CHTF18: variants seen among roughly 807,000 people sequenced by gnomAD.
The protein encoded by CHTF18 is chromosome transmission fidelity factor 18, also known as chromosome transmission fidelity protein 18 homolog.
In CHTF18, 151 loss-of-function variants were observed where a neutral mutation model predicts 113.4. The ratio of observed to expected loss-of-function variants is 1.33; its 90% confidence interval spans 1.17 to 1.52. CHTF18 has a LOEUF of 1.52. Among genes scored for constraint, CHTF18 ranks in the 40% most tolerant of loss-of-function variants. The pLI is 0.00. For synonymous variants in CHTF18, 916 were observed against 598.8 expected (o/e 1.53, Z -7.74); for missense variants, 1,982 against 1,381.6 (o/e 1.43, Z -6.89).
rs1471856274 is a variant in CHTF18, at chr16:796,948, C to T, written c.2602-13C>T. On this transcript the variant is annotated splice_polypyrimidine_tract_variant and intron_variant, in intron 19 of 21. Transcript: ENST00000262315. Reference sequence around the variant, plus strand: ...CCTGTGTGGCCAGATCTCACAATGCCTGCTCCCTACAGGTGGATGGGAGCC... The same window carrying T: ...CCTGTGTGGCCAGATCTCACAATGCTTGCTCCCTACAGGTGGATGGGAGCC... 4 of 1,529,412 alleles carry T rather than the reference C, an allele frequency of 2.6e-6. No individual in the cohort carries two copies. The highest frequency in any genetic ancestry group is 2.3e-5 in the East Asian group (1 of 42,634). The allele number at this position is 1,529,412 out of a possible 1,614,324, so 94.7% of individuals were successfully genotyped here. A position where few individuals can be genotyped will look rare whatever the true frequency, so the allele number is the denominator to read the frequency against.
At chr16:789,882 T>TCC in intron 4 of CHTF18, 167 bp downstream of exon 4, 4 of 1,341,494 alleles carry the variant, frequency 3.0e-6, no homozygotes, top group Non-Finnish European at 4.1e-6. Flanking sequence ...GGACACAGCC[T>TCC]CCCCACAGCA....
At chr16:790,006 G>A (rs1250804185) in intron 4 of CHTF18, 171 bp from the exon 5 acceptor site, 2 of 1,535,388 alleles carry the variant, frequency 1.3e-6, no homozygotes, top group South Asian at 1.2e-5. Context: ...TCCCTTTGCA[G>A]CTGACCCATC....
At chr16:793,679 C>T (rs1262215712) in intron 14 of CHTF18, 6 of 585,150 alleles carry the variant, frequency 1.0e-5, no homozygotes, top group Admixed American at 2.3e-5. Context: ...ATGTCTCTGT[C>T]CTGACGTGCC....
At chr16:792,914 C>T in intron 12 of CHTF18, 52 bp from the exon 13 acceptor site, 1 of 1,540,124 alleles carries the variant, frequency 6.5e-7, no homozygotes, top group South Asian at 1.2e-5. Flanking sequence ...CCTGGTAACC[C>T]CTGAAAGGAT....
At chr16:790,493 T>C in intron 6 of CHTF18, 32 bp from the exon 7 acceptor site, 2 of 1,606,048 alleles carry the variant, frequency 1.2e-6, no homozygotes, top group Non-Finnish European at 1.7e-6. Context: ...TCCCTGCGAG[T>C]TGTTTGTGGC....
At position 788,736 on chromosome 16, in the gene CHTF18, C is replaced by G. The variant is rs1459555135; in HGVS notation, c.52C>G (p.Gln18Glu). 1 of 1,603,094 alleles carries G rather than the reference C, an allele frequency of 6.2e-7. No homozygotes were observed. Among genetic ancestry groups the G allele is most frequent in the African/African-American group, 1.3e-5 (1 of 74,380 alleles). ...LCGVEDDFHNQFAAELEVLAE... is the reference protein window; with the variant it reads ...LCGVEDDFHNEFAAELEVLAE... ...CGGCGTCGAGGATGATTTCCACAAC[C>G]AGTTCGCGGCCGAGCTGGAGGTGCT... is the stretch of plus-strand genomic sequence containing the variant. Residue 18 changes from glutamine (Q) to glutamate (E), a missense_variant, in exon 1 of 22, where the codon CAG (glutamine) becomes GAG (glutamate). Physicochemically the swap from Gln to Glu is conservative, Grantham distance 29. Transcript: ENST00000262315.
chr16:792,800 C>A lies in CHTF18; in HGVS notation c.1561C>A (p.Arg521=). The A allele has an allele frequency of 6.5e-7, 1 of 1,541,644 alleles. No homozygotes were observed. The highest frequency in any genetic ancestry group is 8.7e-7 in the Non-Finnish European group (1 of 1,147,706). The change falls in exon 12 of 22, where the codon CGG becomes AGG. Residue 521 remains arginine, a synonymous_variant. Transcript: ENST00000262315. ...PPTLPSRLVQ[R]LQEVSLRQGM... ...GACTCTGCCCTCGAGGCTGGTGCAG[C>A]GGCTCCAGGAGGTCGGTGGAGCCCC...
chr16:794,034 C>G lies in CHTF18; in HGVS notation c.1803-20C>G. ...GTGCTTTTAACACGGGTCCATCTAG[C>G]TTCAGCACCCCACCTGCAGGCGCCG... is the stretch of plus-strand genomic sequence containing the variant. On this transcript the variant is annotated intron_variant, in intron 14 of 21. Coordinates refer to ENST00000262315, the MANE Select transcript of CHTF18 (RefSeq NM_022092.3). The G allele has an allele frequency of 6.2e-7, 1 of 1,604,408 alleles. No homozygotes were observed. Among genetic ancestry groups the G allele is most frequent in the Non-Finnish European group, 8.5e-7 (1 of 1,175,224 alleles).
chr16:793,952 TG>T, intron 14 of CHTF18, 101 bp from the exon 15 acceptor site: 1 of 1,334,064 alleles, frequency 7.5e-7, no homozygotes, highest in Non-Finnish European at 1.0e-6. Flanking sequence ...AAGAATGAAG[TG>T]GGTGGCAGCT....
intron 7 of CHTF18, 66 bp from the exon 8 acceptor site, chr16:791,095 A>G (rs1289710016): frequency 1.3e-6 from 2 of 1,544,208 alleles, no homozygotes; most frequent in Admixed American, 3.9e-5. Context: ...TCATGGTGGC[A>G]GGTGGACTGT....
chr16:793,976 C>CT (rs535094144), intron 14 of CHTF18, 78 bp from the exon 15 acceptor site: 2,545 of 1,516,658 alleles, frequency 1.7e-3, no homozygotes, highest in Non-Finnish European at 2.0e-3. Flanking sequence ...GATGGGGCCT[C>CT]TGAGTGTCCC....
chr16:796,029 A>C lies in CHTF18; in HGVS notation c.2408A>C (p.Tyr803Ser), dbSNP rs2042335771. The C allele has an allele frequency of 2.5e-6, 4 of 1,605,900 alleles. No homozygotes were observed. The highest frequency in any genetic ancestry group is 2.7e-5 in the African/African-American group (2 of 74,724). The change falls in exon 18 of 22, where the codon TAC becomes TCC. Residue 803 changes from tyrosine to serine, a missense_variant. By Grantham distance (144) the Tyr-to-Ser change is moderately radical. Transcript: ENST00000262315. ...ACGATGCTCGCTTACAGCCTGACCT[A>C]CCGCCAGGAGCGCACGCCCGATGGC... ...VGTMLAYSLT[Y>S]RQERTPDGQY...
intron 7 of CHTF18, 162 bp from the exon 8 acceptor site, chr16:790,999 C>T: frequency 1.4e-6 from 2 of 1,458,902 alleles, no homozygotes; most frequent in Non-Finnish European, 9.0e-7. Context: ...GGTGGAGCCC[C>T]TGGTGTGAGC....
At chr16:794,308 G>T in intron 15 of CHTF18, 107 bp downstream of exon 15, 2 of 1,345,004 alleles carry the variant, frequency 1.5e-6, no homozygotes, top group African/African-American at 1.5e-5. Flanking sequence ...CGCTTTGGGG[G>T]TGCTGAGAGA....
At chr16:793,593 C>T (rs888137127) in intron 14 of CHTF18, 6 of 545,762 alleles carry the variant, frequency 1.1e-5, no homozygotes, top group African/African-American at 1.9e-5. Context: ...ATTTTTGCCA[C>T]ATTTGGCCTG....
intron 4 of CHTF18, 193 bp downstream of exon 4, chr16:789,908 T>C (rs2042130708): frequency 2.8e-6 from 4 of 1,441,006 alleles, no homozygotes. Flanking sequence ...CTGTCCAGCC[T>C]GTTTGTATGG....
Position 789,545 on chromosome 16 carries a change from A to G in CHTF18, c.438-2A>G. 7 of 1,596,650 alleles carry G rather than the reference A, an allele frequency of 4.4e-6. No individual in the cohort carries two copies. The highest frequency in any genetic ancestry group is 6.0e-6 in the Non-Finnish European group (7 of 1,171,962). On this transcript the variant is annotated splice_acceptor_variant, in intron 3 of 21. Transcript: ENST00000262315. LOFTEE classifies it high-confidence loss of function. The stretch of plus-strand genomic sequence containing the variant: ...TGCCACTGAGCCCCGGTCTCTCTCC[A>G]GAGTCTCAGAAGCTGCTGCCGACGT...
At chr16:793,940 A>T in intron 14 of CHTF18, 114 bp from the exon 15 acceptor site, 1 of 1,233,392 alleles carries the variant, frequency 8.1e-7, no homozygotes. Context: ...GGCCCTGCTG[A>T]GAAGAATGAA....
intron 20 of CHTF18, 135 bp downstream of exon 20, chr16:797,227 C>G: frequency 1.9e-6 from 2 of 1,064,502 alleles, no homozygotes; most frequent in Non-Finnish European, 2.5e-6. Context: ...TAGGGCCCCT[C>G]ATGAGGCAGG....
Sources: gnomAD v4.1 joint callset for allele counts on GRCh38, gnomAD v4.1.1 for gene constraint, MANE v1.5 for transcripts, NCBI Gene and HGNC (gene_info 2026-07-23, HGNC 2026-07-21) for gene names.